SH3BGR: variants seen among roughly 807,000 people sequenced by gnomAD.
SH3BGR encodes SH3 domain binding glutamate rich protein.
A neutral mutation model predicts 24.5 loss-of-function variants in SH3BGR; 29 were observed. The ratio of observed to expected loss-of-function variants is 1.18; its 90% CI spans 0.88 to 1.61. The LOEUF is 1.61. Among genes scored for constraint, SH3BGR ranks in the 40% most tolerant of loss-of-function variants. SH3BGR has a pLI of 0.00. For missense variants in SH3BGR, 162 were observed against 205.8 expected (o/e 0.79, Z 1.30); for synonymous variants, 55 against 65.7 (o/e 0.84, Z 0.79).
chr21:39,499,260 G>GTA (rs1394372307), intron 3 of SH3BGR, among the ~76,000 whole-genome samples: 305 of 151,632 alleles, frequency 2.0e-3, no homozygotes, highest in Admixed American at 4.7e-3. Flanking sequence ...TCTATCATCT[G>GTA]TCTATCTGTC....
chr21:39,476,019 C>T (rs1472082517), intron 3 of SH3BGR, among the ~76,000 whole-genome samples: 1 of 152,168 alleles, frequency 6.6e-6, no homozygotes, highest in Non-Finnish European at 1.5e-5. Context: ...GTTGGAGACA[C>T]ACACGTGGAA....
intron 3 of SH3BGR, among the ~76,000 whole-genome samples, chr21:39,492,466 G>GTATA (rs575260270): frequency 2.2e-3 from 308 of 139,770 alleles, no homozygotes; most frequent in African/African-American, 8.2e-3. Flanking sequence ...GTGTGTGTGT[G>GTATA]TATATATATA....
chr21:39,471,235 T>C (rs2077934919), intron 2 of SH3BGR, among the ~76,000 whole-genome samples: 1 of 152,158 alleles, frequency 6.6e-6, no homozygotes, highest in Admixed American at 6.5e-5. Flanking sequence ...TTTAGAATTA[T>C]TGATTGGGCT....
In SH3BGR at chr21:39,489,375, A is replaced by G. The variant is rs189012116; in HGVS notation, c.313-10448A>G. ...GGTTTGAAGAAGGAAATCAAGGTCC[A>G]AATGCCTGTCAGAGATGGGAGTGGC... On this transcript the variant is annotated intron_variant, in intron 3 of 6. Coordinates refer to ENST00000333634, the MANE Select transcript of SH3BGR (RefSeq NM_007341.3). Among the ~76,000 whole-genome samples the G allele has an allele frequency of 2.2e-3, 331 of 152,386 alleles. 1 individual carries two copies. Among genetic ancestry groups the G allele is most frequent in the African/African-American group, 7.8e-3 (324 of 41,592 alleles).
chr21:39,501,025 A>G (rs1007729870), intron 4 of SH3BGR, among the ~76,000 whole-genome samples: 5 of 152,236 alleles, frequency 3.3e-5, no homozygotes, highest in African/African-American at 9.6e-5. Context: ...TAGAAGTTAG[A>G]CGGTGTTTCA....
intron 3 of SH3BGR, 48 bp from the exon 4 acceptor site, chr21:39,499,775 T>C (rs2078462088): frequency 7.0e-7 from 1 of 1,418,562 alleles, no homozygotes; most frequent in African/African-American, 1.4e-5. Flanking sequence ...TTTTTTTTTT[T>C]CTTTTTTCTG....
chr21:39,513,873 C>A (rs2078739538), intron 6 of SH3BGR, among the ~76,000 whole-genome samples: 1 of 151,980 alleles, frequency 6.6e-6, no homozygotes, highest in Admixed American at 6.6e-5. Context: ...AAAAATTGTG[C>A]AGTTTTAATG....
intron 3 of SH3BGR, chr21:39,488,802 C>A: frequency 3.5e-6 from 1 of 281,768 alleles, no homozygotes; most frequent in Admixed American, 3.7e-5. Flanking sequence ...AGTAGCTGGG[C>A]ACATTCCCAG....
At chr21:39,456,958 G>A (rs965575422) in intron 1 of SH3BGR, among the ~76,000 whole-genome samples, 3 of 150,792 alleles carry the variant, frequency 2.0e-5, no homozygotes, top group African/African-American at 4.9e-5. Context: ...AATTAAATGC[G>A]TGATTACCAT....
At chr21:39,466,802 A>G (rs905699601) in intron 2 of SH3BGR, among the ~76,000 whole-genome samples, 2 of 152,220 alleles carry the variant, frequency 1.3e-5, no homozygotes, top group Admixed American at 6.5e-5. Flanking sequence ...CTACAATTCA[A>G]GATGAAATTT....
chr21:39,510,447 C>CTGTAGCT (rs1302918393), intron 5 of SH3BGR, among the ~76,000 whole-genome samples: 1 of 107,652 alleles, frequency 9.3e-6, no homozygotes, highest in African/African-American at 3.8e-5. Context: ...CACACACACA[C>CTGTAGCT]ACACACACTG....
upstream of SH3BGR, among the ~76,000 whole-genome samples, chr21:39,449,559 T>C (rs1310982474): frequency 6.6e-6 from 1 of 152,230 alleles, no homozygotes; most frequent in East Asian, 1.9e-4. Context: ...GTCATTAGTG[T>C]AATAATACAT....
intron 1 of SH3BGR, among the ~76,000 whole-genome samples, chr21:39,452,566 G>A (rs1399154528): frequency 6.6e-6 from 1 of 152,190 alleles, no homozygotes; most frequent in Non-Finnish European, 1.5e-5. Context: ...TGACTCTGGG[G>A]TGTAATCACT....
At chr21:39,457,889 C>T (rs879380787) in intron 1 of SH3BGR, among the ~76,000 whole-genome samples, 2 of 151,772 alleles carry the variant, frequency 1.3e-5, no homozygotes, top group East Asian at 1.9e-4. Flanking sequence ...CGTGCCACTG[C>T]GCTCCAGCCT....
intron 2 of SH3BGR, among the ~76,000 whole-genome samples, chr21:39,470,299 C>T (rs1449139409): frequency 6.6e-6 from 1 of 151,914 alleles, no homozygotes; most frequent in Non-Finnish European, 1.5e-5. Context: ...GGTTCTGTCA[C>T]CCAGGCTGGA....
At chr21:39,497,126 T>A (rs577383662) in intron 3 of SH3BGR, among the ~76,000 whole-genome samples, 1 of 151,392 alleles carries the variant, frequency 6.6e-6, no homozygotes, top group African/African-American at 2.4e-5. Flanking sequence ...TGTATTTATA[T>A]GTATATCTGA....
At chr21:39,479,230 T>TAAG (rs1198503595) in intron 3 of SH3BGR, among the ~76,000 whole-genome samples, 8 of 124,722 alleles carry the variant, frequency 6.4e-5, no homozygotes, top group Non-Finnish European at 1.3e-4. Flanking sequence ...GTAAGGGTGG[T>TAAG]GGTGGTGGTG....
chr21:39,507,413 A>C (rs1744318211), intron 4 of SH3BGR, among the ~76,000 whole-genome samples: 1 of 152,130 alleles, frequency 6.6e-6, no homozygotes, highest in Non-Finnish European at 1.5e-5. Context: ...GACTCACCGC[A>C]ACCTCCGCCT....
intron 2 of SH3BGR, among the ~76,000 whole-genome samples, chr21:39,470,064 A>G (rs763188300): frequency 4.0e-5 from 6 of 151,818 alleles, no homozygotes; most frequent in Admixed American, 6.6e-5. Context: ...CTACTTTATT[A>G]TATGCTTTTA....
Sources: allele counts gnomAD v4.1 joint callset (sites outside exome capture counted in the v4.1 genomes callset), GRCh38; gene constraint gnomAD v4.1.1; transcripts MANE v1.5; gene names NCBI Gene and HGNC (gene_info 2026-07-23, HGNC 2026-07-21).